Variants in SGK1 observed in about 807,000 individuals in gnomAD.
SGK1 encodes the protein serum/glucocorticoid regulated kinase 1, also known as serine/threonine-protein kinase Sgk1.
A neutral mutation model predicts 64.2 loss-of-function variants in SGK1; 26 were observed. The ratio of observed to expected loss-of-function variants is 0.40; its 90% CI spans 0.30 to 0.56. The LOEUF (loss-of-function observed/expected upper bound fraction) is 0.56. Ranked by LOEUF, SGK1 falls within the 20% of genes least tolerant of loss-of-function variation. The pLI, the probability that SGK1 is intolerant of heterozygous loss-of-function variation, is 0.38. For synonymous variants in SGK1, 265 were observed against 239.7 expected (o/e 1.11, Z -0.98); for missense variants, 519 against 645.6 (o/e 0.80, Z 2.12).
At chr6:134,176,586 C>T (rs1582690022) in intron 3 of SGK1, among the ~76,000 whole-genome samples, 1 of 152,232 alleles carries the variant, frequency 6.6e-6, no homozygotes, top group East Asian at 1.9e-4. Flanking sequence ...ATTCGCAGGG[C>T]CAGGTACCTG....
chr6:134,201,518 G>A (rs112815551), intron 3 of SGK1, among the ~76,000 whole-genome samples: 2,130 of 151,824 alleles, frequency 0.014, 60 homozygotes, highest in African/African-American at 0.049. Flanking sequence ...GACACCACCA[G>A]GCCTAGCTAA....
intron 3 of SGK1, among the ~76,000 whole-genome samples, chr6:134,184,811 G>A (rs1035687002): frequency 2.6e-5 from 4 of 152,064 alleles, no homozygotes. Flanking sequence ...AGCCTCTCTA[G>A]TAGTTGGGAC....
chr6:134,271,290 G>A (rs1254027411), intron 1 of SGK1, among the ~76,000 whole-genome samples: 3 of 126,406 alleles, frequency 2.4e-5, no homozygotes, highest in Admixed American at 8.0e-5. Context: ...CTAGACTCCA[G>A]TCTGCAGAGT....
intron 3 of SGK1, among the ~76,000 whole-genome samples, chr6:134,190,619 ACTGTTCT>A (rs1775495679): frequency 6.6e-6 from 1 of 152,002 alleles, no homozygotes. Context: ...ACCCCTTGTC[ACTGTTCT>A]CTTCCCACCT....
Position 134,170,184 on chromosome 6 carries a change from T to C in SGK1, c.*84A>G, listed in dbSNP as rs899292635. 52 of 1,172,358 alleles carry C rather than the reference T, an allele frequency of 4.4e-5. No individual in the cohort carries two copies. Among genetic ancestry groups the C allele is most frequent in the Non-Finnish European group, 5.6e-5 (46 of 820,370 alleles). 72.6% of individuals were successfully genotyped at this position (1,172,358 alleles called of 1,614,324 possible). A position where few individuals can be genotyped will look rare whatever the true frequency, so the allele number is the denominator to read the frequency against. ...GTGCAAATTCTCTTGTAAGATGTCC[T>C]GTCAGCTGGCGGCTCCACCAAAAGG... On this transcript the variant is annotated 3_prime_UTR_variant, in exon 14 of 14. Transcript: ENST00000367858.
chr6:134,256,346 T>C (rs976873775), intron 2 of SGK1, among the ~76,000 whole-genome samples: 5 of 152,156 alleles, frequency 3.3e-5, no homozygotes, highest in Non-Finnish European at 7.3e-5. Context: ...TCTAGCACAA[T>C]TATAAGCTAA....
At chr6:134,181,457 G>A (rs189884945) in intron 3 of SGK1, among the ~76,000 whole-genome samples, 63 of 152,118 alleles carry the variant, frequency 4.1e-4, no homozygotes, top group Non-Finnish European at 8.1e-4. Context: ...CAATTCTCCC[G>A]CCTCAGCCTC....
At chr6:134,296,296 G>A (rs542008489) in intron 1 of SGK1, among the ~76,000 whole-genome samples, 2 of 152,186 alleles carry the variant, frequency 1.3e-5, no homozygotes, top group Admixed American at 6.5e-5. Context: ...TTTTATAGGC[G>A]AGATATTGCT....
intron 2 of SGK1, among the ~76,000 whole-genome samples, chr6:134,218,437 C>CTTTTTTT (rs71003680): frequency 7.7e-6 from 1 of 129,180 alleles, no homozygotes; most frequent in Non-Finnish European, 1.6e-5. Flanking sequence ...TTCTTTTTTT[C>CTTTTTTT]TTTTTTTTTT....
intron 2 of SGK1, among the ~76,000 whole-genome samples, chr6:134,212,117 G>A (rs913703920): frequency 8.6e-5 from 13 of 151,390 alleles, no homozygotes; most frequent in African/African-American, 1.2e-4. Flanking sequence ...GCAGTGGTGC[G>A]ATCTCGGCTC....
intron 1 of SGK1, among the ~76,000 whole-genome samples, chr6:134,302,267 T>TAGG (rs1777470365): frequency 6.6e-5 from 10 of 152,202 alleles, no homozygotes; most frequent in Admixed American, 6.5e-4. Flanking sequence ...TGTGCATATG[T>TAGG]AACTAAAAAA....
At chr6:134,238,779 GA>G (rs1442791927) in intron 2 of SGK1, among the ~76,000 whole-genome samples, 1 of 152,066 alleles carries the variant, frequency 6.6e-6, no homozygotes, top group Non-Finnish European at 1.5e-5. Flanking sequence ...CCGACTAACA[GA>G]AAATGAGTTA....
At chr6:134,182,910 T>A (rs1775353616) in intron 3 of SGK1, among the ~76,000 whole-genome samples, 1 of 152,174 alleles carries the variant, frequency 6.6e-6, no homozygotes, top group Admixed American at 6.5e-5. Context: ...AAGTTTAGTG[T>A]GAAAAAAGTG....
intron 9 of SGK1, 163 bp from the exon 10 acceptor site, chr6:134,172,479 G>T (rs1236395633): frequency 3.7e-6 from 3 of 805,574 alleles, no homozygotes; most frequent in African/African-American, 1.7e-5. Context: ...TTCTGGATTA[G>T]GCACAATCCT....
intron 3 of SGK1, among the ~76,000 whole-genome samples, chr6:134,181,199 C>A (rs1334134742): frequency 6.6e-6 from 1 of 152,166 alleles, no homozygotes; most frequent in Non-Finnish European, 1.5e-5. Flanking sequence ...TCTCTTTCAC[C>A]CCCACTTTAT....
chr6:134,214,914 A>G (rs1775952639), intron 2 of SGK1: 1 of 345,978 alleles, frequency 2.9e-6, no homozygotes, highest in Admixed American at 3.6e-5. Flanking sequence ...ACTTGAAAGT[A>G]TTGGGTTAGG....
chr6:134,200,424 A>G (rs576479423), intron 3 of SGK1, among the ~76,000 whole-genome samples: 18 of 152,334 alleles, frequency 1.2e-4, no homozygotes, highest in African/African-American at 3.4e-4. Context: ...GCAACTGAGC[A>G]CGCTAGTCCT....
intron 2 of SGK1, among the ~76,000 whole-genome samples, chr6:134,225,879 G>A (rs1458833667): frequency 6.6e-6 from 1 of 151,362 alleles, no homozygotes; most frequent in Non-Finnish European, 1.5e-5. Flanking sequence ...TTGAGACCAG[G>A]CTGGGCAACA....
chr6:134,175,767 A>T, intron 3 of SGK1: 1 of 1,337,414 alleles, frequency 7.5e-7, no homozygotes, highest in Non-Finnish European at 9.6e-7. Flanking sequence ...TCCTGCCCCG[A>T]GTCCCAAAAC....
Sources: allele counts gnomAD v4.1 joint callset (sites outside exome capture counted in the v4.1 genomes callset), GRCh38; gene constraint gnomAD v4.1.1; transcripts MANE v1.5; gene names NCBI Gene and HGNC (gene_info 2026-07-23, HGNC 2026-07-21).